The following OGFOD1 variants were observed in gnomAD, a reference collection of about 807,000 sequenced individuals.
The protein encoded by OGFOD1 is prolyl 3-hydroxylase OGFOD1.
A neutral mutation model predicts 67.7 loss-of-function variants in OGFOD1; 54 were observed. That is an observed-to-expected ratio of 0.80 (90% CI 0.64 to 1.00). The LOEUF (loss-of-function observed/expected upper bound fraction) is 1.00. OGFOD1 is among the 50% of genes least tolerant of loss of function. The pLI is 0.00. For missense variants in OGFOD1, 606 were observed against 646.7 expected, an observed-to-expected ratio of 0.94 and a Z score of 0.68; for synonymous variants, 221 against 227.0, an observed-to-expected ratio of 0.97 and a Z score of 0.24.
At chr16:56,461,950 G>A (rs745380868) in intron 3 of OGFOD1, among the ~76,000 whole-genome samples, 15 of 151,876 alleles carry the variant, frequency 9.9e-5, no homozygotes, top group Non-Finnish European at 1.6e-4. Context: ...AAAATTAGCC[G>A]GGCGTGCTGG....
At chr16:56,470,177 A>G in intron 9 of OGFOD1, 95 bp downstream of exon 9, 1 of 1,088,854 alleles carries the variant, frequency 9.2e-7, no homozygotes, top group South Asian at 1.4e-5. Context: ...AAGGAAAAAT[A>G]GACTGAGGTG....
At chr16:56,458,502 C>G in intron 2 of OGFOD1, 46 bp from the exon 3 acceptor site, 1 of 1,554,182 alleles carries the variant, frequency 6.4e-7, no homozygotes, top group Non-Finnish European at 8.9e-7. Context: ...TTGTGTGTCT[C>G]TTATGTGAAG....
At position 56,466,225 on chromosome 16, in the gene OGFOD1, G is replaced by T. The variant is rs534428252; in HGVS notation, c.522G>T (p.Trp174Cys). ...TCATCCTGTACCTGGTTCCTCCCTGGGACAGGAGCATGGGTGGTACCCTGG... is the reference window on the plus strand; with the variant it reads ...TCATCCTGTACCTGGTTCCTCCCTGTGACAGGAGCATGGGTGGTACCCTGG... ...IAFILYLVPP[W>C]DRSMGGTLDL... Residue 174 changes from tryptophan to cysteine, a missense_variant, in exon 5 of 13, where the codon TGG becomes TGT. Transcript: ENST00000566157. 2.5e-6 allele frequency: 4 copies of T among 1,614,024 alleles called. No individual in the cohort carries two copies. In the South Asian group the frequency reaches 4.4e-5, roughly 18 times the overall value.
rs138927458 is a variant in OGFOD1, at chr16:56,476,348, T to TA, written c.*145dup. 3,233 of 646,922 alleles carry TA rather than the reference T, an allele frequency of 5.0e-3. 89 individuals are homozygous for TA. The African/African-American group carries it at 0.054, about 11-fold the overall frequency. 40.1% of individuals were successfully genotyped at this position (646,922 alleles called of 1,614,324 possible). Reference sequence around the variant, plus strand: ...ACTGGTTGTCTTTTACTAGGACTCATAATGATTGTCCTCAACCGAGACCTT... The same window carrying TA: ...ACTGGTTGTCTTTTACTAGGACTCATAAATGATTGTCCTCAACCGAGACCTT... On this transcript the variant is annotated 3_prime_UTR_variant, in exon 13 of 13. Transcript: ENST00000566157.
rs1395056473 is a variant in OGFOD1, at chr16:56,476,042, AGCT to A, written c.1470_1472del (p.Leu491del). 6.2e-7 allele frequency: 1 copy of A among 1,606,066 alleles called. No individual in the cohort carries two copies. The highest frequency in any genetic ancestry group is 1.3e-5 in the African/African-American group (1 of 74,254). On this transcript the variant is annotated splice_acceptor_variant and coding_sequence_variant, in exon 13 of 13. Transcript: ENST00000566157. LOFTEE classifies it high-confidence loss of function. ...ATGTGTCACTGTATTTGTCTTTTTC[AGCT>A]GCTAACAGTGAATCCAGAAAGCAAT...
At chr16:56,470,384 C>G in intron 9 of OGFOD1, 103 bp from the exon 10 acceptor site, 1 of 1,126,204 alleles carries the variant, frequency 8.9e-7, no homozygotes. Context: ...TAAGCTGTGC[C>G]AAGATTTAGG....
intron 2 of OGFOD1, among the ~76,000 whole-genome samples, chr16:56,455,995 T>G (rs1376960276): frequency 6.6e-6 from 1 of 152,226 alleles, no homozygotes; most frequent in Non-Finnish European, 1.5e-5. Flanking sequence ...GTCTGCACTG[T>G]GTCCAGTTCC....
At chr16:56,474,205 G>A (rs1456322048) in intron 10 of OGFOD1, among the ~76,000 whole-genome samples, 1 of 151,710 alleles carries the variant, frequency 6.6e-6, no homozygotes, top group East Asian at 1.9e-4. Flanking sequence ...AACATGCTGA[G>A]AAATCTCTTA....
In OGFOD1 at chr16:56,467,233, G is replaced by C. The variant is rs564440134; in HGVS notation, c.726G>C (p.Leu242Phe). Reference sequence around the variant, plus strand: ...GTGGCTGGTTTCATGGTCCATCATTGACTCGGCCTCCCAACTACTTTGAAC... The same window carrying C: ...GTGGCTGGTTTCATGGTCCATCATTCACTCGGCCTCCCAACTACTTTGAAC... ...SISGWFHGPS[L>F]TRPPNYFEPP... Residue 242 changes from leucine (L) to phenylalanine (F), a missense_variant, in exon 7 of 13, where the codon TTG becomes TTC. Coordinates refer to ENST00000566157, the MANE Select transcript of OGFOD1 (RefSeq NM_018233.4). 4.5e-5 allele frequency: 73 copies of C among 1,614,036 alleles called. No homozygotes were observed. In the South Asian group the frequency reaches 7.7e-4, roughly 17 times the overall value.
chr16:56,451,572 C>G lies in OGFOD1; in HGVS notation c.-41C>G. 1.2e-6 allele frequency: 2 copies of G among 1,607,040 alleles called. No individual in the cohort carries two copies. Among genetic ancestry groups the G allele is most frequent in the Non-Finnish European group, 1.7e-6 (2 of 1,176,824 alleles). On this transcript the variant is annotated 5_prime_UTR_variant, in exon 1 of 13. Transcript: ENST00000566157. Reference sequence around the variant, plus strand: ...AGTTGCAGTACCCTCAGGAAGGTAGCGTCTTGATCTGCGTGGCGTGGTTCT... The same window carrying G: ...AGTTGCAGTACCCTCAGGAAGGTAGGGTCTTGATCTGCGTGGCGTGGTTCT...
At position 56,474,808 on chromosome 16, in the gene OGFOD1, A is replaced by AT; in HGVS notation, c.1286-19dup. 1 of 1,579,968 alleles carries AT rather than the reference A, an allele frequency of 6.3e-7. No homozygotes were observed. Among genetic ancestry groups the AT allele is most frequent in the Non-Finnish European group, 8.6e-7 (1 of 1,165,900 alleles). ...TCAAGGTTATTTTTTAAAGTTTCTC[A>AT]TCTTTTTTTTTTTCCTTAGAATCAA... On this transcript the variant is annotated intron_variant, in intron 10 of 12. Transcript: ENST00000566157.
Position 56,476,288 on chromosome 16 carries a change from A to C in OGFOD1, c.*83A>C, listed in dbSNP as rs1241707270. Reference sequence around the variant, plus strand: ...AAGAGCTAAGCATGGAGTCAAGGAGAACTACATGGTAGCTTGCCTGACAGT... The same window carrying C: ...AAGAGCTAAGCATGGAGTCAAGGAGCACTACATGGTAGCTTGCCTGACAGT... On this transcript the variant is annotated 3_prime_UTR_variant, in exon 13 of 13. Transcript: ENST00000566157. The C allele has an allele frequency of 7.7e-7, 1 of 1,304,010 alleles. No individual in the cohort carries two copies. Among genetic ancestry groups the C allele is most frequent in the Non-Finnish European group, 1.1e-6 (1 of 941,050 alleles). The allele number at this position is 1,304,010 out of a possible 1,614,324, so 80.8% of individuals were successfully genotyped here.
chr16:56,466,803 A>T, intron 5 of OGFOD1, 73 bp from the exon 6 acceptor site: 1 of 1,145,024 alleles, frequency 8.7e-7, no homozygotes, highest in Non-Finnish European at 1.3e-6. Flanking sequence ...AAGTTTGGAA[A>T]TTGTCAAGAG....
chr16:56,455,970 A>C (rs1962510217), intron 2 of OGFOD1, among the ~76,000 whole-genome samples: 1 of 152,070 alleles, frequency 6.6e-6, no homozygotes, highest in African/African-American at 2.4e-5. Context: ...GCAGAATTTT[A>C]TTCTTATAAG....
At position 56,458,611 on chromosome 16, in the gene OGFOD1, A is replaced by G; in HGVS notation, c.347+17A>G. 1 of 1,605,618 alleles carries G rather than the reference A, an allele frequency of 6.2e-7. No individual in the cohort carries two copies. The highest frequency in any genetic ancestry group is 1.3e-5 in the African/African-American group (1 of 74,882). On this transcript the variant is annotated intron_variant, in intron 3 of 12. Transcript: ENST00000566157. ...CACTTTAAGGTAAACAAGTAATCATATTTGTTGGGTGCTAATATGTGCCAG... is the reference window on the plus strand; with the variant it reads ...CACTTTAAGGTAAACAAGTAATCATGTTTGTTGGGTGCTAATATGTGCCAG...
At position 56,476,398 on chromosome 16, in the gene OGFOD1, CTT is replaced by C. The variant is rs1248943242; in HGVS notation, c.*194_*195del. 2.5e-5 allele frequency: 9 copies of C among 359,330 alleles called. No homozygotes were observed. Among genetic ancestry groups the C allele is most frequent in the Admixed American group, 4.9e-5 (1 of 20,278 alleles). The allele number at this position is 359,330 out of a possible 1,614,324, so 22.3% of individuals were successfully genotyped here. On this transcript the variant is annotated 3_prime_UTR_variant, in exon 13 of 13. Coordinates refer to ENST00000566157, the MANE Select transcript of OGFOD1 (RefSeq NM_018233.4). Reference sequence around the variant, plus strand: ...TGAGCTTGCAGCTAAGTACTTATCTCTTGATTAAAAAAAAAAAGTTGGCTTTT... The same window carrying C: ...TGAGCTTGCAGCTAAGTACTTATCTCGATTAAAAAAAAAAAGTTGGCTTTT...
intron 4 of OGFOD1, chr16:56,465,498 G>A (rs944392783): frequency 6.6e-6 from 1 of 152,220 alleles, no homozygotes; most frequent in Non-Finnish European, 1.5e-5. Context: ...CCCTCCATGT[G>A]TAATTGGTTG....
Position 56,458,664 on chromosome 16 carries a change from C to A in OGFOD1, c.347+70C>A, listed in dbSNP as rs1962609993. 4.8e-6 allele frequency: 6 copies of A among 1,244,802 alleles called. No homozygotes were observed. The South Asian group carries it at 7.3e-5, about 15-fold the overall frequency. 77.1% of individuals were successfully genotyped at this position (1,244,802 alleles called of 1,614,324 possible). ...AGAGTAGTAAGTGCTTTAAATGTTA[C>A]AACATTGTGTATGTCATATAATTCT... is the stretch of plus-strand genomic sequence containing the variant. On this transcript the variant is annotated intron_variant, in intron 3 of 12. Coordinates refer to ENST00000566157, the MANE Select transcript of OGFOD1 (RefSeq NM_018233.4).
chr16:56,467,967 TC>T lies in OGFOD1; in HGVS notation c.850del (p.Gln284LysfsTer12). ...TGGACATGGATTACCAAGTTCAAAT[TC>T]AAGAAGAGTTTGAAGAAAGTTCTGA... ...YLDMDYQVQI[Q>X]EEFEESSEIL... On this transcript the variant is annotated frameshift_variant, in exon 8 of 13. Coordinates refer to ENST00000566157, the MANE Select transcript of OGFOD1 (RefSeq NM_018233.4). LOFTEE classifies it high-confidence loss of function. The T allele has an allele frequency of 6.2e-7, 1 of 1,608,286 alleles. No individual in the cohort carries two copies. The highest frequency in any genetic ancestry group is 8.5e-7 in the Non-Finnish European group (1 of 1,174,650).
Sources: allele counts gnomAD v4.1 joint callset (sites outside exome capture counted in the v4.1 genomes callset), GRCh38; gene constraint gnomAD v4.1.1; transcripts MANE v1.5; gene names NCBI Gene and HGNC (gene_info 2026-07-23, HGNC 2026-07-21).